AMPD1: variants seen among roughly 807,000 people sequenced by gnomAD.
AMPD1 encodes the protein AMP deaminase 1.
In AMPD1, 74 loss-of-function variants were observed where a neutral mutation model predicts 82.9. The observed-to-expected ratio is 0.89, with a 90% CI of 0.74 to 1.08. The LOEUF is 1.08. AMPD1 is among the 50% of genes least tolerant of loss of function. The probability of loss-of-function intolerance (pLI) is 0.00; values close to 1 mark genes in which losing one functional copy is unlikely to be tolerated. For synonymous variants in AMPD1, 333 were observed against 320.5 expected (o/e 1.04, Z -0.42); for missense variants, 881 against 924.5 (o/e 0.95, Z 0.61).
intron 14 of AMPD1, 47 bp downstream of exon 14, chr1:114,673,862 C>A (rs1452884938): frequency 1.9e-6 from 3 of 1,604,214 alleles, no homozygotes; most frequent in South Asian, 2.2e-5. Flanking sequence ...GGACGGGAAA[C>A]AACAGTCCAG....
chr1:114,682,226 GA>G (rs956459774), intron 5 of AMPD1, among the ~76,000 whole-genome samples: 1 of 151,446 alleles, frequency 6.6e-6, no homozygotes, highest in African/African-American at 2.4e-5. Flanking sequence ...ATAGCATAGG[GA>G]AAAAAAACAG....
intron 10 of AMPD1, among the ~76,000 whole-genome samples, chr1:114,676,617 G>T (rs1328408725): frequency 6.6e-6 from 1 of 152,112 alleles, no homozygotes; most frequent in Admixed American, 6.5e-5. Context: ...TCACCACTCT[G>T]GGTCCAGAAT....
intron 10 of AMPD1, among the ~76,000 whole-genome samples, chr1:114,677,014 G>A (rs1658002958): frequency 6.6e-6 from 1 of 152,096 alleles, no homozygotes; most frequent in Non-Finnish European, 1.5e-5. Flanking sequence ...AGCATGGGAA[G>A]GAATGGACTT....
chr1:114,678,560 C>T (rs751241583), intron 7 of AMPD1, 33 bp from the exon 8 acceptor site: 2 of 1,581,770 alleles, frequency 1.3e-6, no homozygotes, highest in East Asian at 2.2e-5. Flanking sequence ...AAAAAAACAT[C>T]AATCAGCCTT....
At chr1:114,689,924 C>A (rs1658465928) in intron 2 of AMPD1, among the ~76,000 whole-genome samples, 2 of 152,164 alleles carry the variant, frequency 1.3e-5, no homozygotes, top group Non-Finnish European at 2.9e-5. Flanking sequence ...TGTTTTCTGT[C>A]TGAATAATTA....
At chr1:114,683,525 C>T (rs1463969352) in intron 5 of AMPD1, among the ~76,000 whole-genome samples, 1 of 152,098 alleles carries the variant, frequency 6.6e-6, no homozygotes. Context: ...CGCTTGAGGC[C>T]AGGAGTTCAA....
intron 10 of AMPD1, among the ~76,000 whole-genome samples, chr1:114,676,812 G>C (rs942366230): frequency 1.3e-5 from 2 of 152,052 alleles, no homozygotes; most frequent in Non-Finnish European, 2.9e-5. Flanking sequence ...CAATGATACT[G>C]AACAAACTGA....
chr1:114,688,580 T>C lies in AMPD1; in HGVS notation c.196A>G (p.Thr66Ala), dbSNP rs1658388337. The stretch of plus-strand genomic sequence containing the variant: ...ACTTACCTCCTGGCTTCTGTGGAGG[T>C]GGACAGAGTCTCCAGATGGAATATG... ...AHIFHLETLS[T>A]STEARRKKRF... Residue 66 changes from threonine (T) to alanine (A), a missense_variant, in exon 3 of 16, where the codon ACC (threonine) becomes GCC (alanine). Thr to Ala is a moderately conservative substitution (Grantham distance 58). Transcript: ENST00000520113. 3 of 1,614,006 alleles carry C rather than the reference T, an allele frequency of 1.9e-6. No homozygotes were observed. Among genetic ancestry groups the C allele is most frequent in the African/African-American group, 1.3e-5 (1 of 74,886 alleles).
At chr1:114,688,420 G>T in intron 3 of AMPD1, 141 bp downstream of exon 3, 1 of 980,668 alleles carries the variant, frequency 1.0e-6, no homozygotes, top group Non-Finnish European at 1.6e-6. Context: ...GAGCCACTGT[G>T]CCCAGTCTTA....
At chr1:114,693,117 A>AAAAT (rs10601370) in intron 2 of AMPD1, among the ~76,000 whole-genome samples, 2,181 of 138,204 alleles carry the variant, frequency 0.016, 31 homozygotes, top group East Asian at 0.081. Context: ...CATCCATCTC[A>AAAAT]AAATAAATAA....
At chr1:114,679,463 C>A in intron 7 of AMPD1, 116 bp downstream of exon 7, 2 of 1,421,346 alleles carry the variant, frequency 1.4e-6, no homozygotes, top group Admixed American at 3.4e-5. Context: ...TACTAAAATC[C>A]ACTGAACCTG....
At position 114,695,447 on chromosome 1, in the gene AMPD1, T is replaced by C. The variant is rs1421936769; in HGVS notation, c.22+3A>G. 1.9e-6 allele frequency: 3 copies of C among 1,612,468 alleles called. No individual in the cohort carries two copies. Among genetic ancestry groups the C allele is most frequent in the African/African-American group, 2.7e-5 (2 of 74,648 alleles). ...GAGCTCTCCAAACACTTTGTACACC[T>C]ACCTGGGAGTTTGAACAGAGGCATT... On this transcript the variant is annotated splice_donor_region_variant and intron_variant, in intron 1 of 15. Transcript: ENST00000520113.
At position 114,684,240 on chromosome 1, in the gene AMPD1, A is replaced by G. The variant is rs749100454; in HGVS notation, c.506T>C (p.Ile169Thr). 2.5e-6 allele frequency: 4 copies of G among 1,614,066 alleles called. No individual in the cohort carries two copies. Among genetic ancestry groups the G allele is most frequent in the Admixed American group, 3.3e-5 (2 of 60,000 alleles). Reference protein sequence around the residue: ...PKTPSKYLRNIDGEAWVANES... With the variant: ...PKTPSKYLRNTDGEAWVANES... ...ATTTGCTACCCAAGCCTCACCATCAATGTTCCGCAAGTATTTGGAAGGGGT... is the reference window on the plus strand; with the variant it reads ...ATTTGCTACCCAAGCCTCACCATCAGTGTTCCGCAAGTATTTGGAAGGGGT... The change falls in exon 5 of 16, where the codon ATT becomes ACT. Residue 169 changes from isoleucine to threonine, a missense_variant. Around this residue, in one of 2 missense-constraint regions of AMPD1, gnomAD observed 783 missense variants for 786.4 expected, o/e 1.00. Coordinates refer to ENST00000520113, the MANE Select transcript of AMPD1 (RefSeq NM_000036.3).
chr1:114,677,646 C>T, intron 9 of AMPD1, 132 bp from the exon 10 acceptor site: 1 of 1,281,778 alleles, frequency 7.8e-7, no homozygotes, highest in Admixed American at 2.0e-5. Flanking sequence ...AATCTCAAAA[C>T]CACACCCTTA....
chr1:114,691,701 G>A (rs1001423542), intron 2 of AMPD1, among the ~76,000 whole-genome samples: 13 of 152,080 alleles, frequency 8.5e-5, no homozygotes, highest in African/African-American at 1.9e-4. Context: ...TGAGGTGGGC[G>A]GATCACCTGA....
chr1:114,689,957 T>C (rs1658466657), intron 2 of AMPD1, among the ~76,000 whole-genome samples: 1 of 152,200 alleles, frequency 6.6e-6, no homozygotes, highest in East Asian at 1.9e-4. Flanking sequence ...CTTTTCCTGG[T>C]ATTTCCAGAA....
At chr1:114,679,525 A>C in intron 7 of AMPD1, 54 bp downstream of exon 7, 1 of 1,605,840 alleles carries the variant, frequency 6.2e-7, no homozygotes, top group East Asian at 2.2e-5. Flanking sequence ...CTTCTCAATA[A>C]ATAATTGAAT....
rs1314213577 is a variant in AMPD1, at chr1:114,673,652, C to G, written c.2072G>C (p.Gly691Ala). 6.2e-7 allele frequency: 1 copy of G among 1,613,676 alleles called. No individual in the cohort carries two copies. The highest frequency in any genetic ancestry group is 8.5e-7 in the Non-Finnish European group (1 of 1,179,770). Residue 691 changes from glycine (G) to alanine (A), a missense_variant, in exon 15 of 16, where the codon GGA (glycine) becomes GCA (alanine). Gly to Ala is a moderately conservative substitution (Grantham distance 60). This residue lies in a region of AMPD1 where 98 missense variants were observed against 138.1 expected (regional missense o/e 0.71). Coordinates refer to ENST00000520113, the MANE Select transcript of AMPD1 (RefSeq NM_000036.3). ...AGACAGGTCTACCTCATGAGAAATT[C>G]CACACTGCAAGACACTGTTCCTTGC... ...EVARNSVLQC[G>A]ISHEEKVKFL...
At chr1:114,673,603 A>G (rs747671559) in intron 15 of AMPD1, 36 bp downstream of exon 15, 20 of 1,520,810 alleles carry the variant, frequency 1.3e-5, no homozygotes, top group African/African-American at 6.9e-5. Flanking sequence ...AGCAGACCCT[A>G]TACTCAGAAG....
Sources: allele counts gnomAD v4.1 joint callset (sites outside exome capture counted in the v4.1 genomes callset), GRCh38; gene constraint gnomAD v4.1.1; regional missense constraint gnomAD v4.1.1; transcripts MANE v1.5; gene names NCBI Gene and HGNC (gene_info 2026-07-23, HGNC 2026-07-21).